Variants in SYNPR observed in about 807,000 individuals in gnomAD.
The protein encoded by SYNPR is synaptoporin.
SYNPR carries 23 observed loss-of-function variants against 32.9 expected under a neutral mutation model. That is an observed-to-expected ratio of 0.70 (90% CI 0.50 to 0.99). SYNPR has a LOEUF of 0.99. Ranked by LOEUF, SYNPR falls within the 50% of genes least tolerant of loss-of-function variation. The pLI, the probability that SYNPR is intolerant of heterozygous loss-of-function variation, is 0.00. For missense variants in SYNPR, 318 were observed against 349.3 expected (o/e 0.91, Z 0.71); for synonymous variants, 146 against 135.9 (o/e 1.07, Z -0.52).
intron 2 of SYNPR, among the ~76,000 whole-genome samples, chr3:63,405,765 G>C (rs1403821252): frequency 6.6e-6 from 1 of 152,166 alleles, no homozygotes; most frequent in East Asian, 1.9e-4. Flanking sequence ...CCAGAGGATA[G>C]AAGAGCATAA....
intron 2 of SYNPR, chr3:63,444,139 C>T (rs1700230467): frequency 6.6e-6 from 1 of 152,224 alleles, no homozygotes; most frequent in South Asian, 2.1e-4. Flanking sequence ...CACCATCTGT[C>T]AGATGCCCAG....
chr3:63,325,239 A>T (rs2106974006), intron 2 of SYNPR, among the ~76,000 whole-genome samples: 1 of 152,268 alleles, frequency 6.6e-6, no homozygotes. Flanking sequence ...TCTTGCAGAT[A>T]ATAGTAATGA....
At chr3:63,391,391 T>C in intron 2 of SYNPR, among the ~76,000 whole-genome samples, 1 of 152,232 alleles carries the variant, frequency 6.6e-6, no homozygotes, top group Non-Finnish European at 1.5e-5. Context: ...ATCAACTTTG[T>C]GCCTTTCCCT....
At chr3:63,235,301 C>T (rs560359223) in intron 1 of SYNPR, among the ~76,000 whole-genome samples, 5 of 152,276 alleles carry the variant, frequency 3.3e-5, no homozygotes, top group African/African-American at 9.6e-5. Flanking sequence ...TGCTAAGGAA[C>T]ATAATCCTTA....
chr3:63,263,476 C>T (rs544500273), intron 2 of SYNPR, among the ~76,000 whole-genome samples: 2 of 152,214 alleles, frequency 1.3e-5, no homozygotes, highest in Non-Finnish European at 2.9e-5. Flanking sequence ...ATGAACCGTT[C>T]TAAAACTTAG....
At chr3:63,312,848 G>C (rs1381129130) in intron 2 of SYNPR, among the ~76,000 whole-genome samples, 1 of 151,940 alleles carries the variant, frequency 6.6e-6, no homozygotes. Flanking sequence ...TCTTGCTCTT[G>C]TTCTGGAATA....
chr3:63,603,318 A>C (rs1159639609), intron 4 of SYNPR, among the ~76,000 whole-genome samples: 1 of 152,116 alleles, frequency 6.6e-6, no homozygotes, highest in African/African-American at 2.4e-5. Flanking sequence ...CTCTCTTCCT[A>C]TTTGGATGCC....
intron 2 of SYNPR, among the ~76,000 whole-genome samples, chr3:63,287,925 G>T (rs2086701310): frequency 6.6e-6 from 1 of 152,144 alleles, no homozygotes; most frequent in Admixed American, 6.5e-5. Context: ...ACAGGCTCAG[G>T]TCTCATATCT....
intron 2 of SYNPR, among the ~76,000 whole-genome samples, chr3:63,395,178 G>A (rs937880429): frequency 1.3e-5 from 2 of 152,162 alleles, no homozygotes; most frequent in African/African-American, 4.8e-5. Context: ...TTTTCAGGGA[G>A]AAAGCTGTTG....
At chr3:63,536,125 A>T (rs1278084015) in intron 3 of SYNPR, among the ~76,000 whole-genome samples, 2 of 151,994 alleles carry the variant, frequency 1.3e-5, no homozygotes, top group Non-Finnish European at 2.9e-5. Context: ...TAAAAATTTT[A>T]AAAATTTAAG....
chr3:63,437,083 GC>G (rs1406874532), intron 2 of SYNPR, among the ~76,000 whole-genome samples: 1 of 152,104 alleles, frequency 6.6e-6, no homozygotes, highest in Non-Finnish European at 1.5e-5. Context: ...CATCATGTTA[GC>G]CAGGCTGGTC....
At chr3:63,203,973 T>C in the SYNPR span, among the ~76,000 whole-genome samples, 1 of 152,120 alleles carries the variant, frequency 6.6e-6, no homozygotes, top group South Asian at 2.1e-4. Flanking sequence ...CATTCCATCC[T>C]GGGGCAACAA....
intron 2 of SYNPR, among the ~76,000 whole-genome samples, chr3:63,452,992 C>T (rs2106638570): frequency 6.6e-6 from 1 of 152,236 alleles, no homozygotes; most frequent in Admixed American, 6.5e-5. Context: ...TTCCATGTAA[C>T]AGCTTCCTGT....
At chr3:63,428,234 A>T (rs1699925852) in intron 2 of SYNPR, among the ~76,000 whole-genome samples, 1 of 152,236 alleles carries the variant, frequency 6.6e-6, no homozygotes, top group South Asian at 2.1e-4. Flanking sequence ...TTTAAAAAGC[A>T]GGTGTATTGA....
At chr3:63,544,564 T>C (rs562668014) in intron 3 of SYNPR, among the ~76,000 whole-genome samples, 39 of 152,090 alleles carry the variant, frequency 2.6e-4, no homozygotes, top group Non-Finnish European at 5.0e-4. Flanking sequence ...ACCCTGAGCA[T>C]TTAGTGAAGC....
At chr3:63,314,052 CAT>C (rs71281401) in intron 2 of SYNPR, among the ~76,000 whole-genome samples, 6 of 43,564 alleles carry the variant, frequency 1.4e-4, no homozygotes, top group African/African-American at 3.4e-4. Context: ...TATATATATC[CAT>C]ATATATATAT....
At chr3:63,218,656 TC>T in the SYNPR span, among the ~76,000 whole-genome samples, 1 of 152,160 alleles carries the variant, frequency 6.6e-6, no homozygotes, top group Admixed American at 6.5e-5. Flanking sequence ...TCGTGATCCG[TC>T]CCGCCTCAGC....
the SYNPR span, among the ~76,000 whole-genome samples, chr3:63,201,148 A>G: frequency 1.3e-5 from 2 of 152,220 alleles, no homozygotes; most frequent in Non-Finnish European, 2.9e-5. Context: ...GATTCTCCTT[A>G]GCCTGTTTAT....
At chr3:63,243,187 A>G (rs2086261083) in intron 1 of SYNPR, among the ~76,000 whole-genome samples, 1 of 152,052 alleles carries the variant, frequency 6.6e-6, no homozygotes, top group Non-Finnish European at 1.5e-5. Flanking sequence ...AGAATTGACA[A>G]AAGTAATCAA....
Sources: allele counts gnomAD v4.1 joint callset (sites outside exome capture counted in the v4.1 genomes callset), GRCh38; gene constraint gnomAD v4.1.1; transcripts MANE v1.5; gene names NCBI Gene and HGNC (gene_info 2026-07-23, HGNC 2026-07-21).